NDUFA10: variants seen among roughly 807,000 people sequenced by gnomAD.
NDUFA10 encodes NADH dehydrogenase [ubiquinone] 1 alpha subcomplex subunit 10, mitochondrial.
A neutral mutation model predicts 47.8 loss-of-function variants in NDUFA10; 40 were observed. That is an observed-to-expected ratio of 0.84 (90% CI 0.65 to 1.09). The LOEUF is 1.09. Ranked by LOEUF, NDUFA10 falls within the 50% of genes least tolerant of loss-of-function variation. The pLI, the probability that NDUFA10 is intolerant of heterozygous loss-of-function variation, is 0.00. For synonymous variants in NDUFA10, 183 were observed against 172.2 expected, an observed-to-expected ratio of 1.06 and a Z score of -0.49; for missense variants, 413 against 451.1, an observed-to-expected ratio of 0.92 and a Z score of 0.76.
chr2:239,937,503 C>A (rs1020051253), intron 4 of NDUFA10, among the ~76,000 whole-genome samples: 3 of 152,134 alleles, frequency 2.0e-5, no homozygotes, highest in South Asian at 4.1e-4. Context: ...GGTTCATGTA[C>A]GCGGTGGCCT....
chr2:239,983,199 CCAATCTAGAAAGCAGCT>C (rs917647529), intron 9 of NDUFA10, among the ~76,000 whole-genome samples: 3 of 152,168 alleles, frequency 2.0e-5, no homozygotes, highest in Non-Finnish European at 2.9e-5. Context: ...CCCAGAGAAG[CCAATCTAGAAAGCAGCT>C]CTGCAACCCA....
chr2:239,995,550 C>T (rs1175374646), intron 8 of NDUFA10, among the ~76,000 whole-genome samples: 2 of 152,092 alleles, frequency 1.3e-5, no homozygotes, highest in African/African-American at 2.4e-5. Context: ...CAGGGAGAAA[C>T]AACAAATGCA....
rs1021188833 is a variant in NDUFA10, at chr2:239,945,986, C to T, written c.294+44088G>A. Among the ~76,000 whole-genome samples, 4 of 152,196 alleles carry T rather than the reference C, an allele frequency of 2.6e-5. No individual in the cohort carries two copies. Among genetic ancestry groups the T allele is most frequent in the Non-Finnish European group, 4.4e-5 (3 of 68,022 alleles). On this transcript the variant is annotated intron_variant, in intron 4 of 5. Coordinates refer to the NDUFA10 transcript ENST00000419408. This position sits in a 1 kb window ranked among gnomAD's most constrained non-coding sequence, Gnocchi z 4.6. ...AGCCTCACATAATGAGCTGCACCCC[C>T]AGACCAGGACAGGAGAGGAGGGCCC...
chr2:239,966,198 T>C (rs1341141079), intron 9 of NDUFA10, among the ~76,000 whole-genome samples: 1 of 152,162 alleles, frequency 6.6e-6, no homozygotes, highest in Non-Finnish European at 1.5e-5. Context: ...GGAGGCACCC[T>C]GCCCAGTCAC....
intron 7 of NDUFA10, 74 bp from the exon 8 acceptor site, chr2:240,005,369 G>A: frequency 6.6e-6 from 8 of 1,221,256 alleles, no homozygotes; most frequent in Non-Finnish European, 9.6e-6. Context: ...TTTTTTTTGA[G>A]ACAGGGTCCG....
intron 9 of NDUFA10, among the ~76,000 whole-genome samples, chr2:239,973,824 G>A (rs1304013243): frequency 6.6e-6 from 1 of 152,176 alleles, no homozygotes; most frequent in Admixed American, 6.5e-5. Flanking sequence ...TCAATTCCGG[G>A]CACAAAATGA....
intron 9 of NDUFA10, among the ~76,000 whole-genome samples, chr2:239,982,737 T>C (rs1163722104): frequency 6.6e-6 from 1 of 152,248 alleles, no homozygotes; most frequent in African/African-American, 2.4e-5. Flanking sequence ...TACATTTTCA[T>C]GAACATTTGC....
At chr2:239,989,068 G>A (rs1011125585) in intron 9 of NDUFA10, among the ~76,000 whole-genome samples, 1 of 152,190 alleles carries the variant, frequency 6.6e-6, no homozygotes, top group African/African-American at 2.4e-5. Context: ...AGGACAAAGG[G>A]AGAAACAGCA....
At chr2:240,014,527 G>A in intron 5 of NDUFA10, 1 of 667,054 alleles carries the variant, frequency 1.5e-6, no homozygotes, top group Admixed American at 2.2e-5. Context: ...GAGCACTGGT[G>A]GGCGGCAGGC....
At chr2:239,980,192 G>A (rs1695713141) in intron 9 of NDUFA10, among the ~76,000 whole-genome samples, 1 of 152,182 alleles carries the variant, frequency 6.6e-6, no homozygotes, top group Admixed American at 6.5e-5. Context: ...TTCACTCTCG[G>A]GTGTGGCCCC....
chr2:239,969,864 G>A, intron 9 of NDUFA10: 2 of 441,116 alleles, frequency 4.5e-6, no homozygotes, highest in Admixed American at 2.6e-5. Context: ...GGCACAGAAA[G>A]AAAAAGGCCA....
chr2:239,922,077 CCTTG>C (rs1275357756), intron 4 of NDUFA10, among the ~76,000 whole-genome samples: 2 of 130,394 alleles, frequency 1.5e-5, no homozygotes, highest in Admixed American at 7.9e-5. Context: ...TTCCTTCCTT[CCTTG>C]CTTGTTTCCT....
At chr2:239,969,564 G>T (rs1422623105) in intron 9 of NDUFA10, 4 of 438,482 alleles carry the variant, frequency 9.1e-6, no homozygotes, top group Admixed American at 5.0e-5. Flanking sequence ...TCCCTGACAG[G>T]CATCTTTGGC....
chr2:239,999,018 G>A (rs919860988), intron 8 of NDUFA10, among the ~76,000 whole-genome samples: 2 of 152,192 alleles, frequency 1.3e-5, no homozygotes, highest in African/African-American at 4.8e-5. Context: ...ACCACATGGA[G>A]CTGAGCTGCT....
At chr2:240,005,963 T>A (rs182450775) in intron 7 of NDUFA10, among the ~76,000 whole-genome samples, 1 of 151,974 alleles carries the variant, frequency 6.6e-6, no homozygotes, top group Non-Finnish European at 1.5e-5. Flanking sequence ...CCCCTCAAAA[T>A]GACAAAAGAA....
chr2:240,000,013 C>T (rs1320511998), intron 8 of NDUFA10, among the ~76,000 whole-genome samples: 2 of 152,222 alleles, frequency 1.3e-5, no homozygotes, highest in African/African-American at 2.4e-5. Context: ...CCCGTGTCTG[C>T]GGTGATGTGG....
chr2:240,019,888 G>A (rs760783301), intron 3 of NDUFA10, among the ~76,000 whole-genome samples: 19 of 149,696 alleles, frequency 1.3e-4, no homozygotes, highest in Admixed American at 5.3e-4. Context: ...TGAAGTCCAC[G>A]CTACGACATC....
intron 9 of NDUFA10, chr2:239,982,066 C>T (rs982013952): frequency 1.2e-6 from 2 of 1,609,274 alleles, no homozygotes; most frequent in Non-Finnish European, 1.7e-6. Flanking sequence ...GGAATGTCCT[C>T]AAATGCTGTT....
At chr2:239,991,750 A>G (rs971685384) in intron 8 of NDUFA10, among the ~76,000 whole-genome samples, 2 of 152,238 alleles carry the variant, frequency 1.3e-5, no homozygotes, top group Admixed American at 6.5e-5. Flanking sequence ...ATTCCAACTA[A>G]AAATGAAGTT....
Sources: gnomAD v4.1 joint callset for allele counts (sites outside exome capture counted in the v4.1 genomes callset) on GRCh38, gnomAD v4.1.1 for gene constraint, Gnocchi (gnomAD v3.1) non-coding constraint, MANE v1.5 for transcripts, NCBI Gene and HGNC (gene_info 2026-07-23, HGNC 2026-07-21) for gene names.